CD226: variants seen among roughly 807,000 people sequenced by gnomAD.
CD226 encodes CD226 antigen.
In CD226, 24 loss-of-function variants were observed where a neutral mutation model predicts 34.9. The ratio of observed to expected loss-of-function variants is 0.69; its 90% CI spans 0.50 to 0.97. The LOEUF is 0.97. Ranked by LOEUF, CD226 falls within the 50% of genes least tolerant of loss-of-function variation. CD226 has a pLI of 0.00. For missense variants in CD226, 397 were observed against 412.7 expected (o/e 0.96, Z 0.33); for synonymous variants, 148 against 147.4 (o/e 1.00, Z -0.03).
intron 3 of CD226, among the ~76,000 whole-genome samples, chr18:69,876,850 T>C (rs988743557): frequency 7.4e-6 from 1 of 135,962 alleles, no homozygotes; most frequent in African/African-American, 2.6e-5. Flanking sequence ...TCCAGGCCTC[T>C]AGAACTTTTT....
chr18:69,880,521 A>C (rs1984184908), intron 3 of CD226, among the ~76,000 whole-genome samples: 1 of 152,088 alleles, frequency 6.6e-6, no homozygotes, highest in African/African-American at 2.4e-5. Context: ...TAAAAAAATT[A>C]ATGTCTTAGA....
intron 2 of CD226, among the ~76,000 whole-genome samples, chr18:69,897,976 T>C (rs1985396623): frequency 6.6e-6 from 1 of 151,470 alleles, no homozygotes; most frequent in Admixed American, 6.6e-5. Context: ...CCGGAAAACA[T>C]TTCGTCTCTA....
In CD226 at chr18:69,861,554, G is replaced by GTATATATATATATATATATATATGTATA. The variant is rs112148497; in HGVS notation, c.*2759_*2760insTATACATATATATATATATATATATATA. On this transcript the variant is annotated 3_prime_UTR_variant, in exon 6 of 6. Transcript: ENST00000582621. ...ATAAATTATATGTGTATATATATAT[G>GTATATATATATATATATATATATGTATA]TATATATATATATATATATGTAAAA... The GTATATATATATATATATATATATGTATA allele has an allele frequency of 6.3e-5, 8 of 127,948 alleles. No individual in the cohort carries two copies. Among genetic ancestry groups the GTATATATATATATATATATATATGTATA allele is most frequent in the African/African-American group, 1.4e-4 (5 of 36,322 alleles). The allele number at this position is 127,948 out of a possible 1,614,324, so 7.9% of individuals were successfully genotyped here.
chr18:69,952,921 A>G (rs1255021918), intron 1 of CD226, among the ~76,000 whole-genome samples: 1 of 152,224 alleles, frequency 6.6e-6, no homozygotes, highest in Non-Finnish European at 1.5e-5. Context: ...CCAATTTTCA[A>G]ATGGGCAAAG....
At chr18:69,885,435 AG>A (rs1349634588) in intron 3 of CD226, among the ~76,000 whole-genome samples, 5 of 152,202 alleles carry the variant, frequency 3.3e-5, no homozygotes, top group African/African-American at 1.2e-4. Flanking sequence ...GCAAGAGAGC[AG>A]GATTTGACAG....
chr18:69,910,604 T>G (rs992748242), intron 2 of CD226, among the ~76,000 whole-genome samples: 2 of 152,088 alleles, frequency 1.3e-5, no homozygotes, highest in Admixed American at 1.3e-4. Context: ...GAGGAGACCC[T>G]GGAAAGGAAA....
chr18:69,959,351 AC>A (rs1275283455), upstream of CD226, among the ~76,000 whole-genome samples: 7 of 152,242 alleles, frequency 4.6e-5, no homozygotes, highest in African/African-American at 1.7e-4. Context: ...TTTTTTCATG[AC>A]CCTTGCAAAA....
intron 3 of CD226, among the ~76,000 whole-genome samples, chr18:69,887,198 G>T (rs1211477549): frequency 6.6e-6 from 1 of 152,148 alleles, no homozygotes; most frequent in African/African-American, 2.4e-5. Flanking sequence ...GGTAAGTGTG[G>T]TTATAAAGTT....
At chr18:69,923,321 T>C (rs1285740168) in intron 2 of CD226, among the ~76,000 whole-genome samples, 1 of 152,180 alleles carries the variant, frequency 6.6e-6, no homozygotes, top group African/African-American at 2.4e-5. Flanking sequence ...AAGTGTCGTG[T>C]TGCAGGAAGA....
rs914216214 is a variant in CD226 at position 69,862,892 on chromosome 18, T to G, written c.*1422A>C. Reference sequence around the variant, plus strand: ...TCTAGATGGTGGTCTTTAGAAATCTTTAGAGATAAATAATGAATCTTTTAG... The same window carrying G: ...TCTAGATGGTGGTCTTTAGAAATCTGTAGAGATAAATAATGAATCTTTTAG... On this transcript the variant is annotated 3_prime_UTR_variant, in exon 6 of 6. Coordinates refer to ENST00000582621, the MANE Select transcript of CD226 (RefSeq NM_001303618.2). 8 of 152,190 alleles carry G rather than the reference T, an allele frequency of 5.3e-5. No individual in the cohort carries two copies. Among genetic ancestry groups the G allele is most frequent in the Admixed American group, 4.6e-4 (7 of 15,274 alleles). The allele number at this position is 152,190 out of a possible 1,614,324, so 9.4% of individuals were successfully genotyped here.
Position 69,947,356 on chromosome 18 carries a change from T to G in CD226, c.46+5A>C. 6.5e-7 allele frequency: 1 copy of G among 1,540,128 alleles called. No homozygotes were observed. The highest frequency in any genetic ancestry group is 1.2e-5 in the South Asian group (1 of 84,940). ...TTTAAATGAAAATATAAAGATCATC[T>G]TTACCTCTGTATACATGAAGAAGAG... On this transcript the variant is annotated splice_donor_5th_base_variant and intron_variant, in intron 1 of 5. Transcript: ENST00000582621.
intron 2 of CD226, among the ~76,000 whole-genome samples, chr18:69,924,509 T>G (rs2055495216): frequency 6.9e-6 from 1 of 143,978 alleles, no homozygotes; most frequent in African/African-American, 2.6e-5. Context: ...AGTAAAAGTA[T>G]AGTTGAAAAG....
chr18:69,933,454 C>A (rs2055613360), intron 2 of CD226, among the ~76,000 whole-genome samples: 1 of 152,180 alleles, frequency 6.6e-6, no homozygotes, highest in African/African-American at 2.4e-5. Flanking sequence ...CCAAATTACA[C>A]CTATATTTCC....
rs1023921347 is a variant in CD226 at position 69,864,035 on chromosome 18, C to A, written c.*279G>T. 3.8e-6 allele frequency: 1 copy of A among 263,824 alleles called. No homozygotes were observed. The highest frequency in any genetic ancestry group is 7.2e-6 in the Non-Finnish European group (1 of 139,694). The allele number at this position is 263,824 out of a possible 1,614,324, so 16.3% of individuals were successfully genotyped here. A position where few individuals can be genotyped will look rare whatever the true frequency, so the allele number is the denominator to read the frequency against. On this transcript the variant is annotated 3_prime_UTR_variant, in exon 6 of 6. Transcript: ENST00000582621. ...CTTAATTCTAGACACAACATTTAAGCCCTGGTAAATAGCCCTTGCCCAAAG... is the reference window on the plus strand; with the variant it reads ...CTTAATTCTAGACACAACATTTAAGACCTGGTAAATAGCCCTTGCCCAAAG...
chr18:69,895,908 C>G lies in CD226; in HGVS notation c.520G>C (p.Asp174His), dbSNP rs753428949. 1.2e-6 allele frequency: 2 copies of G among 1,614,024 alleles called. No individual in the cohort carries two copies. The highest frequency in any genetic ancestry group is 1.3e-5 in the African/African-American group (1 of 74,900). The change falls in exon 3 of 6, where the codon GAC (aspartate) becomes CAC (histidine). Residue 174 changes from aspartate (D) to histidine (H), a missense_variant. By Grantham distance (81) the Asp-to-His change is moderately conservative. Coordinates refer to ENST00000582621, the MANE Select transcript of CD226 (RefSeq NM_001303618.2). ...ACCAAGTTGCAGTAAGTTAAGAGGT[C>G]GATCTGACGGGGCTGGATCTTTTCC... is the stretch of plus-strand genomic sequence containing the variant. ...RWEKIQPRQI[D>H]LLTYCNLVHG... is the part of the protein sequence containing the mutation.
chr18:69,958,782 C>T (rs2055915181), upstream of CD226, among the ~76,000 whole-genome samples: 6 of 94,924 alleles, frequency 6.3e-5, no homozygotes, highest in Admixed American at 8.5e-4. Flanking sequence ...TCAGTGTTCA[C>T]AGGCAAACAC....
chr18:69,912,592 CCT>C (rs1317923437), intron 2 of CD226, among the ~76,000 whole-genome samples: 3 of 152,112 alleles, frequency 2.0e-5, no homozygotes, highest in Non-Finnish European at 4.4e-5. Flanking sequence ...ACAAATGTCA[CCT>C]CTGATTTGCT....
chr18:69,925,374 T>C (rs983068778), intron 2 of CD226, among the ~76,000 whole-genome samples: 3 of 152,186 alleles, frequency 2.0e-5, no homozygotes, highest in African/African-American at 7.2e-5. Context: ...ATTCACCTGC[T>C]AGAATTTCCT....
At chr18:69,938,329 C>T (rs953893007) in intron 2 of CD226, among the ~76,000 whole-genome samples, 3 of 152,196 alleles carry the variant, frequency 2.0e-5, no homozygotes. Flanking sequence ...ATGCCCTCTA[C>T]ATTCTTTAAC....
Sources: gnomAD v4.1 joint callset for allele counts (sites outside exome capture counted in the v4.1 genomes callset) on GRCh38, gnomAD v4.1.1 for gene constraint, MANE v1.5 for transcripts, NCBI Gene and HGNC (gene_info 2026-07-23, HGNC 2026-07-21) for gene names.